The following SEMA3A variants were observed in gnomAD, a reference collection of about 807,000 sequenced individuals.
SEMA3A encodes the protein semaphorin 3A, also known as semaphorin-3A.
Under a neutral mutation model 97.9 loss-of-function variants are expected in SEMA3A, and 29 were observed. The observed-to-expected ratio is 0.30, with a 90% CI of 0.22 to 0.40. SEMA3A has a LOEUF of 0.40. Ranked by LOEUF, SEMA3A falls within the 10% of genes least tolerant of loss-of-function variation. The pLI is 1.00. For missense variants in SEMA3A, 763 were observed against 951.3 expected, an observed-to-expected ratio of 0.80 and a Z score of 2.60; for synonymous variants, 321 against 323.7, an observed-to-expected ratio of 0.99 and a Z score of 0.09.
chr7:84,448,932 G>A (rs1006831767), intron 1 of SEMA3A, among the ~76,000 whole-genome samples: 7 of 151,994 alleles, frequency 4.6e-5, no homozygotes, highest in East Asian at 1.9e-4. Flanking sequence ...ACAACAATCC[G>A]GTTCTGGTGT....
chr7:84,262,820 T>A (rs994309798), intron 3 of SEMA3A, among the ~76,000 whole-genome samples: 7 of 152,194 alleles, frequency 4.6e-5, no homozygotes, highest in Non-Finnish European at 7.3e-5. Flanking sequence ...TCTATCAGTC[T>A]TACATGTCAG....
chr7:84,318,599 G>A (rs1323480272), intron 2 of SEMA3A, among the ~76,000 whole-genome samples: 1 of 152,146 alleles, frequency 6.6e-6, no homozygotes, highest in African/African-American at 2.4e-5. Context: ...TGGGATTACA[G>A]GCGTGAGCCA....
chr7:84,022,910 T>C (rs146789295), intron 6 of SEMA3A, among the ~76,000 whole-genome samples: 2 of 152,310 alleles, frequency 1.3e-5, no homozygotes, highest in Non-Finnish European at 2.9e-5. Flanking sequence ...TTACTAATCT[T>C]GGGCCAATGC....
chr7:84,488,689 C>G (rs1806646483), intron 1 of SEMA3A, among the ~76,000 whole-genome samples: 1 of 152,212 alleles, frequency 6.6e-6, no homozygotes, highest in Admixed American at 6.6e-5. Context: ...CCTCACATGT[C>G]AGAAATATAA....
chr7:84,490,868 T>G (rs12669953), intron 1 of SEMA3A, among the ~76,000 whole-genome samples: 1 of 152,172 alleles, frequency 6.6e-6, no homozygotes, highest in African/African-American at 2.4e-5. Flanking sequence ...CTGTACTCTA[T>G]GGCATTCATG....
chr7:84,114,541 C>G (rs569713241), intron 3 of SEMA3A, among the ~76,000 whole-genome samples: 2 of 152,182 alleles, frequency 1.3e-5, no homozygotes, highest in South Asian at 2.1e-4. Flanking sequence ...CAAAGGAAAC[C>G]TTTTCCTATC....
chr7:84,255,837 A>G (rs1008613911), intron 3 of SEMA3A, among the ~76,000 whole-genome samples: 1 of 152,068 alleles, frequency 6.6e-6, no homozygotes, highest in Non-Finnish European at 1.5e-5. Flanking sequence ...TGCCAACTGA[A>G]AAAACAGGCA....
intron 4 of SEMA3A, among the ~76,000 whole-genome samples, chr7:84,091,160 G>A (rs1393364553): frequency 3.0e-5 from 1 of 32,910 alleles, no homozygotes; most frequent in Non-Finnish European, 5.9e-5. Context: ...AGGAAGGAAG[G>A]AAGGAAGGAA....
At chr7:84,408,485 C>T (rs111389884) in intron 1 of SEMA3A, among the ~76,000 whole-genome samples, 14,350 of 151,528 alleles carry the variant, frequency 0.095, 1,199 homozygotes, top group African/African-American at 0.2. Flanking sequence ...GTCAGTGTGG[C>T]GATTCCTCAG....
At chr7:84,429,547 T>TATATATATATATAGAG (rs1443588588) in intron 1 of SEMA3A, among the ~76,000 whole-genome samples, 1 of 115,948 alleles carries the variant, frequency 8.6e-6, no homozygotes, top group Non-Finnish European at 1.7e-5. Context: ...TATATATATA[T>TATATATATATATAGAG]AGCGAGAGAG....
intron 2 of SEMA3A, among the ~76,000 whole-genome samples, chr7:84,352,538 TAAAAATAAAATA>T (rs1254621622): frequency 1.3e-5 from 2 of 151,496 alleles, no homozygotes; most frequent in Non-Finnish European, 3.0e-5. Flanking sequence ...AAAATAAAAA[TAAAAATAAAATA>T]AAAATGAAAA....
At chr7:84,098,130 A>G (rs749178826) in intron 4 of SEMA3A, among the ~76,000 whole-genome samples, 15 of 152,104 alleles carry the variant, frequency 9.9e-5, no homozygotes, top group Non-Finnish European at 2.1e-4. Flanking sequence ...TTCTTAGAGT[A>G]TAATTGGTTG....
chr7:84,079,514 C>T (rs1477107312), intron 4 of SEMA3A, among the ~76,000 whole-genome samples: 1 of 151,824 alleles, frequency 6.6e-6, no homozygotes, highest in Admixed American at 6.6e-5. Context: ...AAGAAAAAAA[C>T]AAACAACCCC....
At chr7:84,450,880 T>TA (rs1354464403) in intron 1 of SEMA3A, among the ~76,000 whole-genome samples, 4 of 152,218 alleles carry the variant, frequency 2.6e-5, no homozygotes, top group East Asian at 3.8e-4. Context: ...ACTGAGTTGT[T>TA]AGAGTTCCTT....
chr7:83,977,303 T>C, intron 14 of SEMA3A, 107 bp from the exon 15 acceptor site: 1 of 469,864 alleles, frequency 2.1e-6, no homozygotes, highest in Non-Finnish European at 3.6e-6. Context: ...TATCATAGAC[T>C]CTAGTAACTT....
chr7:84,356,760 T>C (rs1364664865), intron 2 of SEMA3A, among the ~76,000 whole-genome samples: 1 of 152,018 alleles, frequency 6.6e-6, no homozygotes, highest in African/African-American at 2.4e-5. Flanking sequence ...TTTTGAATTG[T>C]TCTCTATTTA....
intron 6 of SEMA3A, 112 bp downstream of exon 6, chr7:84,046,207 ATTAGC>A (rs1394436327): frequency 3.3e-6 from 4 of 1,198,684 alleles, no homozygotes; most frequent in Non-Finnish European, 4.7e-6. Flanking sequence ...AGTCACCACC[ATTAGC>A]TTAACTGCAC....
chr7:84,416,451 A>G (rs1804438387), intron 1 of SEMA3A, among the ~76,000 whole-genome samples: 1 of 152,082 alleles, frequency 6.6e-6, no homozygotes, highest in African/African-American at 2.4e-5. Context: ...ATGGACTAAT[A>G]CAAGTATATA....
At chr7:84,154,718 A>G (rs1034870277) in intron 1 of SEMA3A, among the ~76,000 whole-genome samples, 2 of 151,362 alleles carry the variant, frequency 1.3e-5, no homozygotes, top group South Asian at 2.1e-4. Context: ...AAAAAGACAG[A>G]TGATGACATT....
Sources: gnomAD v4.1 joint callset for allele counts (sites outside exome capture counted in the v4.1 genomes callset) on GRCh38, gnomAD v4.1.1 for gene constraint, MANE v1.5 for transcripts, NCBI Gene and HGNC (gene_info 2026-07-23, HGNC 2026-07-21) for gene names.